Variants in SEL1L3 observed in about 807,000 individuals in gnomAD.
SEL1L3 encodes the protein protein sel-1 homolog 3.
SEL1L3 carries 76 observed loss-of-function variants against 142.8 expected under a neutral mutation model. The observed-to-expected ratio is 0.53, with a 90% CI of 0.44 to 0.64. The LOEUF (loss-of-function observed/expected upper bound fraction) is 0.64. Among genes scored for constraint, SEL1L3 ranks in the 30% least tolerant of loss-of-function variants. The probability of loss-of-function intolerance (pLI) is 0.00; values close to 1 mark genes in which losing one functional copy is unlikely to be tolerated. For missense variants in SEL1L3, 1,262 were observed against 1,381.7 expected (o/e 0.91, Z 1.37); for synonymous variants, 504 against 519.6 (o/e 0.97, Z 0.41).
At chr4:25,777,474 T>C (rs1451546527) in intron 16 of SEL1L3, 1 of 174,702 alleles carries the variant, frequency 5.7e-6, no homozygotes, top group East Asian at 1.7e-4. Flanking sequence ...CTCTGAATAA[T>C]GTAATTAACA....
intron 12 of SEL1L3, among the ~76,000 whole-genome samples, 156 bp downstream of exon 12, chr4:25,790,299 G>A (rs1197929347): frequency 2.6e-5 from 4 of 152,110 alleles, no homozygotes; most frequent in Non-Finnish European, 4.4e-5. Flanking sequence ...TGACAACTAT[G>A]GCCTGCCCCT....
At chr4:25,734,394 T>C in the SEL1L3 span, among the ~76,000 whole-genome samples, 1 of 152,206 alleles carries the variant, frequency 6.6e-6, no homozygotes, top group Admixed American at 6.5e-5. Flanking sequence ...TCAAATGCTT[T>C]ATCTGCGTCT....
At chr4:25,858,123 CCA>C (rs1166003888) in intron 1 of SEL1L3, among the ~76,000 whole-genome samples, 4 of 152,240 alleles carry the variant, frequency 2.6e-5, no homozygotes, top group African/African-American at 9.6e-5. Context: ...ACGGTCTACT[CCA>C]GTCTATCCAT....
intron 11 of SEL1L3, among the ~76,000 whole-genome samples, chr4:25,799,681 T>C (rs541240222): frequency 4.7e-4 from 72 of 152,164 alleles, no homozygotes; most frequent in African/African-American, 1.6e-3. Flanking sequence ...TGATGGAGGA[T>C]CCAAGATGAC....
chr4:25,822,395 C>T (rs13131612), intron 6 of SEL1L3, among the ~76,000 whole-genome samples: 1 of 151,986 alleles, frequency 6.6e-6, no homozygotes. Context: ...TCTCCACTTA[C>T]TGGATGGTTA....
chr4:25,795,119 G>A (rs763297556), intron 11 of SEL1L3, among the ~76,000 whole-genome samples: 1 of 152,166 alleles, frequency 6.6e-6, no homozygotes, highest in African/African-American at 2.4e-5. Context: ...ATACTTAGAT[G>A]ATGAGTTGAT....
chr4:25,813,551 G>A (rs753353878), intron 9 of SEL1L3, among the ~76,000 whole-genome samples: 188 of 152,248 alleles, frequency 1.2e-3, no homozygotes, highest in Admixed American at 3.4e-3. Flanking sequence ...CGGCTCCCAG[G>A]GTTTGGGATG....
At chr4:25,765,741 T>A (rs1449619601) in intron 19 of SEL1L3, among the ~76,000 whole-genome samples, 1 of 152,042 alleles carries the variant, frequency 6.6e-6, no homozygotes, top group Non-Finnish European at 1.5e-5. Flanking sequence ...TGGGCTCAAG[T>A]GATCCTTCCA....
At position 25,768,506 on chromosome 4, in the gene SEL1L3, C is replaced by T. The variant is rs115604655; in HGVS notation, c.2670-676G>A. Among the ~76,000 whole-genome samples the T allele has an allele frequency of 3.4e-3, 524 of 152,264 alleles. 4 individuals are homozygous for T. Among genetic ancestry groups the T allele is most frequent in the African/African-American group, 0.012 (488 of 41,564 alleles). ...CCAGCTTGAGGGCCAATTAATTCAA[C>T]GGTTCTGGAAGGACAGGCGGGAGGA... is the stretch of plus-strand genomic sequence containing the variant. On this transcript the variant is annotated intron_variant, in intron 17 of 23. Coordinates refer to ENST00000399878, the MANE Select transcript of SEL1L3 (RefSeq NM_015187.5).
chr4:25,745,393 T>C (rs996415809), downstream of SEL1L3, among the ~76,000 whole-genome samples: 3 of 136,050 alleles, frequency 2.2e-5, no homozygotes, highest in African/African-American at 9.3e-5. Flanking sequence ...AGACTCAGTC[T>C]CAAAAAAAAA....
intron 5 of SEL1L3, among the ~76,000 whole-genome samples, chr4:25,832,698 C>T (rs1377644674): frequency 2.0e-5 from 3 of 152,180 alleles, no homozygotes; most frequent in Non-Finnish European, 4.4e-5. Context: ...AGCCTATCTC[C>T]CCAGGAGAAA....
At chr4:25,724,752 AAAAAAAAAAAAAAAAAAAAG>A in the SEL1L3 span, among the ~76,000 whole-genome samples, 10 of 106,312 alleles carry the variant, frequency 9.4e-5, 1 homozygote, top group South Asian at 3.3e-4. Flanking sequence ...AAAAAAAAAA[AAAAAAAAAAAAAAAAAAAAG>A]GAAAAGAAAT....
At chr4:25,768,612 G>A (rs371081512) in intron 17 of SEL1L3, among the ~76,000 whole-genome samples, 1 of 152,128 alleles carries the variant, frequency 6.6e-6, no homozygotes, top group Non-Finnish European at 1.5e-5. Flanking sequence ...AGAGATATGT[G>A]CAAAGATTCT....
intron 1 of SEL1L3, among the ~76,000 whole-genome samples, chr4:25,849,785 C>T (rs914816032): frequency 3.3e-5 from 5 of 152,056 alleles, no homozygotes; most frequent in South Asian, 2.1e-4. Context: ...CTTAGAGCTG[C>T]GGGAGAGGCA....
chr4:25,748,600 C>A, intron 23 of SEL1L3, 36 bp from the exon 24 acceptor site: 2 of 1,586,566 alleles, frequency 1.3e-6, no homozygotes, highest in South Asian at 1.2e-5. Flanking sequence ...GCTGAATACT[C>A]AAAACAGTGC....
At chr4:25,724,436 C>T in the SEL1L3 span, among the ~76,000 whole-genome samples, 3 of 150,916 alleles carry the variant, frequency 2.0e-5, no homozygotes, top group Admixed American at 2.0e-4. Context: ...AAAGAAAAGA[C>T]AAGGTAAAAG....
Position 25,779,126 on chromosome 4 carries a change from A to ATAG in SEL1L3, c.2532_2534dup (p.Tyr845dup). 1 of 1,613,638 alleles carries ATAG rather than the reference A, an allele frequency of 6.2e-7. No individual in the cohort carries two copies. Among genetic ancestry groups the ATAG allele is most frequent in the Non-Finnish European group, 8.5e-7 (1 of 1,179,610 alleles). On this transcript the variant is annotated inframe_insertion, in exon 16 of 24. Coordinates refer to ENST00000399878, the MANE Select transcript of SEL1L3 (RefSeq NM_015187.5). ...GGAATGTCTCCAGGTTGCCTGTGATATAGTAGAGAGAACACCACAAGGTCC... is the reference window on the plus strand; with the variant it reads ...GGAATGTCTCCAGGTTGCCTGTGATATAGTAGTAGAGAGAACACCACAAGGTCC...
At chr4:25,739,876 A>G in the SEL1L3 span, among the ~76,000 whole-genome samples, 1 of 151,808 alleles carries the variant, frequency 6.6e-6, no homozygotes, top group African/African-American at 2.4e-5. Flanking sequence ...TTGGTTTTTA[A>G]CTTATACAAC....
chr4:25,739,700 C>T, the SEL1L3 span, among the ~76,000 whole-genome samples: 67 of 143,198 alleles, frequency 4.7e-4, no homozygotes, highest in East Asian at 0.012. Context: ...AGAGAGACTC[C>T]GTCAAAAAAA....
Sources: gnomAD v4.1 joint callset for allele counts (sites outside exome capture counted in the v4.1 genomes callset) on GRCh38, gnomAD v4.1.1 for gene constraint, MANE v1.5 for transcripts, NCBI Gene and HGNC (gene_info 2026-07-23, HGNC 2026-07-21) for gene names.